The following CAMK1D variants were observed in gnomAD, a reference collection of about 807,000 sequenced individuals.
CAMK1D encodes the protein calcium/calmodulin-dependent protein kinase type 1D.
A neutral mutation model predicts 47.7 loss-of-function variants in CAMK1D; 9 were observed. The observed-to-expected ratio is 0.19, with a 90% CI of 0.11 to 0.33. The LOEUF is 0.33. Among genes scored for constraint, CAMK1D ranks in the 10% least tolerant of loss-of-function variants. CAMK1D has a pLI of 1.00. For missense variants in CAMK1D, 291 were observed against 488.7 expected (o/e 0.60, Z 3.81); for synonymous variants, 184 against 184.9 (o/e 0.99, Z 0.04).
At chr10:12,700,433 G>A (rs1196947852) in intron 3 of CAMK1D, among the ~76,000 whole-genome samples, 2 of 152,058 alleles carry the variant, frequency 1.3e-5, no homozygotes, top group Non-Finnish European at 2.9e-5. Context: ...AGCAGCATGG[G>A]GGTAACCGCC....
intron 8 of CAMK1D, among the ~76,000 whole-genome samples, chr10:12,824,097 G>C (rs1334223544): frequency 6.6e-6 from 1 of 152,072 alleles, no homozygotes; most frequent in Non-Finnish European, 1.5e-5. Context: ...CTTGTGTGGA[G>C]GCAGAGGGGA....
intron 4 of CAMK1D, among the ~76,000 whole-genome samples, chr10:12,767,218 C>T (rs941814683): frequency 6.6e-6 from 1 of 152,054 alleles, no homozygotes; most frequent in African/African-American, 2.4e-5. Flanking sequence ...ACTCTTTTTG[C>T]CCAGGCTGGA....
At chr10:12,554,100 C>CT (rs11384403) in intron 2 of CAMK1D, among the ~76,000 whole-genome samples, 72,571 of 149,980 alleles carry the variant, frequency 0.48, 17,865 homozygotes, top group Middle Eastern at 0.59. Flanking sequence ...ATTTTTCTTT[C>CT]TTTTTTTTAT....
At chr10:12,428,068 TGCAG>T (rs902659120) in intron 1 of CAMK1D, among the ~76,000 whole-genome samples, 4 of 152,108 alleles carry the variant, frequency 2.6e-5, no homozygotes, top group African/African-American at 7.2e-5. Flanking sequence ...GTGCAGAATG[TGCAG>T]GTTTGTTACA....
chr10:12,737,635 C>A (rs571111581), intron 3 of CAMK1D, among the ~76,000 whole-genome samples: 43 of 152,274 alleles, frequency 2.8e-4, no homozygotes, highest in African/African-American at 9.4e-4. Context: ...CCATCCCTTC[C>A]CTTTAACACT....
intron 2 of CAMK1D, among the ~76,000 whole-genome samples, chr10:12,558,111 T>G (rs1456065714): frequency 6.6e-6 from 1 of 152,232 alleles, no homozygotes; most frequent in Non-Finnish European, 1.5e-5. Context: ...CATAAGCTAC[T>G]CTAGATAGAA....
intron 1 of CAMK1D, among the ~76,000 whole-genome samples, chr10:12,372,123 C>G (rs1838023571): frequency 6.6e-6 from 1 of 152,196 alleles, no homozygotes; most frequent in South Asian, 2.1e-4. Context: ...GCTGTATCAT[C>G]TAGCCTAGGT....
intron 2 of CAMK1D, among the ~76,000 whole-genome samples, chr10:12,561,515 T>G (rs183230763): frequency 3.9e-5 from 6 of 152,266 alleles, no homozygotes; most frequent in Non-Finnish European, 2.9e-5. Flanking sequence ...TCCTCCTTTT[T>G]GCTGCATACC....
intron 2 of CAMK1D, among the ~76,000 whole-genome samples, chr10:12,574,863 G>A (rs11257900): frequency 0.04 from 6,033 of 152,126 alleles, 316 homozygotes; most frequent in African/African-American, 0.13. Flanking sequence ...GAGCCGGAGC[G>A]TGAGTGAAGG....
At chr10:12,624,413 G>A (rs1041275204) in intron 2 of CAMK1D, among the ~76,000 whole-genome samples, 3 of 152,018 alleles carry the variant, frequency 2.0e-5, no homozygotes, top group South Asian at 2.1e-4. Flanking sequence ...TTTCCCTCCC[G>A]TCAAGTCCCT....
chr10:12,415,560 A>G (rs1356817881), intron 1 of CAMK1D, among the ~76,000 whole-genome samples: 1 of 148,380 alleles, frequency 6.7e-6, no homozygotes, highest in East Asian at 2.0e-4. Context: ...TTGGCCTCCC[A>G]AAGTGCTGGG....
rs139902953 is a variant in CAMK1D at position 12,758,351 on chromosome 10, T to A, written c.300-2597T>A. ...AAAGAGATTTGCAGATTTAATATATTTTTATTAGTCATAAAAATATATGAC... is the reference window on the plus strand; with the variant it reads ...AAAGAGATTTGCAGATTTAATATATATTTATTAGTCATAAAAATATATGAC... On this transcript the variant is annotated intron_variant, in intron 3 of 10. Transcript: ENST00000619168. Among the ~76,000 whole-genome samples the A allele has an allele frequency of 3.1e-3, 336 of 108,824 alleles. 2 individuals carry two copies. The highest frequency in any genetic ancestry group is 9.8e-3 in the African/African-American group (310 of 31,640). The allele number at this position is 108,824 out of a possible 152,430, so 71.4% of individuals were successfully genotyped here.
At chr10:12,769,858 T>C in intron 5 of CAMK1D, 59 bp downstream of exon 5, 2 of 1,580,142 alleles carry the variant, frequency 1.3e-6, no homozygotes, top group Non-Finnish European at 1.7e-6. Context: ...TCATGTGTGG[T>C]GTCACCACGT....
intron 1 of CAMK1D, among the ~76,000 whole-genome samples, chr10:12,505,645 G>T (rs1213367356): frequency 6.6e-6 from 1 of 152,156 alleles, no homozygotes; most frequent in Non-Finnish European, 1.5e-5. Flanking sequence ...TCACAACAAA[G>T]AATACATAAT....
intron 3 of CAMK1D, among the ~76,000 whole-genome samples, chr10:12,702,317 CTCATAT>C (rs1324367592): frequency 6.6e-6 from 1 of 152,176 alleles, no homozygotes; most frequent in African/African-American, 2.4e-5. Flanking sequence ...TCAAATCATT[CTCATAT>C]TCTAGCTAAG....
intron 5 of CAMK1D, 140 bp from the exon 6 acceptor site, chr10:12,791,018 C>T: frequency 1.5e-6 from 1 of 662,384 alleles, no homozygotes; most frequent in Non-Finnish European, 2.6e-6. Context: ...AAAAAAAAGC[C>T]AACACATAAA....
At chr10:12,562,512 C>T (rs1220408397) in intron 2 of CAMK1D, among the ~76,000 whole-genome samples, 1 of 152,124 alleles carries the variant, frequency 6.6e-6, no homozygotes, top group East Asian at 1.9e-4. Flanking sequence ...CCAAAAAGTC[C>T]CCTGCTTAAT....
intron 1 of CAMK1D, chr10:12,415,858 T>TG (rs1839830022): frequency 1.3e-5 from 2 of 151,228 alleles, no homozygotes; most frequent in South Asian, 2.1e-4. Context: ...CAGGCTAGAG[T>TG]GCGGTGGCAC....
At chr10:12,791,113 G>T in intron 5 of CAMK1D, 45 bp from the exon 6 acceptor site, 2 of 1,582,288 alleles carry the variant, frequency 1.3e-6, no homozygotes, top group Non-Finnish European at 1.7e-6. Context: ...TTCAGTCCGA[G>T]GCATGTAAAT....
Sources: allele counts gnomAD v4.1 joint callset (sites outside exome capture counted in the v4.1 genomes callset), GRCh38; gene constraint gnomAD v4.1.1; transcripts MANE v1.5; gene names NCBI Gene and HGNC (gene_info 2026-07-23, HGNC 2026-07-21).